The following SVOPL variants were observed in gnomAD, a reference collection of about 807,000 sequenced individuals.
The protein encoded by SVOPL is putative transporter SVOPL.
Under a neutral mutation model 61.0 loss-of-function variants are expected in SVOPL, and 60 were observed. That is an observed-to-expected ratio of 0.98 (90% CI 0.80 to 1.22). The LOEUF is 1.22. Ranked by LOEUF, SVOPL falls within the 50% of genes most tolerant of loss-of-function variation. The pLI is 0.00. For synonymous variants in SVOPL, 279 were observed against 250.0 expected, an observed-to-expected ratio of 1.12 and a Z score of -1.09; for missense variants, 662 against 643.9, an observed-to-expected ratio of 1.03 and a Z score of -0.30.
chr7:138,647,434 T>C (rs1374309706), intron 8 of SVOPL, among the ~76,000 whole-genome samples: 2 of 152,088 alleles, frequency 1.3e-5, no homozygotes, highest in African/African-American at 4.8e-5. Flanking sequence ...CTCTATGGTC[T>C]TCCTGAGAGA....
At chr7:138,688,614 T>C (rs1802872721) in intron 1 of SVOPL, among the ~76,000 whole-genome samples, 1 of 152,260 alleles carries the variant, frequency 6.6e-6, no homozygotes. Flanking sequence ...TCTCATACTT[T>C]ATAATTATTT....
At chr7:138,671,237 ACGT>A (rs1488164157) in intron 4 of SVOPL, among the ~76,000 whole-genome samples, 1 of 152,172 alleles carries the variant, frequency 6.6e-6, no homozygotes, top group Non-Finnish European at 1.5e-5. Flanking sequence ...TATTTAAACA[ACGT>A]GATACTGCTT....
chr7:138,606,588 A>G (rs1003619256), intron 14 of SVOPL, among the ~76,000 whole-genome samples: 2 of 152,096 alleles, frequency 1.3e-5, no homozygotes, highest in African/African-American at 2.4e-5. Flanking sequence ...AAACAAAGGC[A>G]TCTCCACATT....
At chr7:138,616,484 G>T (rs961549385) in intron 14 of SVOPL, among the ~76,000 whole-genome samples, 9 of 151,846 alleles carry the variant, frequency 5.9e-5, no homozygotes, top group Non-Finnish European at 1.0e-4. Flanking sequence ...TTACAGGCGC[G>T]CATCAACAAA....
chr7:138,594,413 T>C lies in SVOPL; in HGVS notation c.*197A>G. ...AAGCTTAAATTATATTTTATAAAAG[T>C]ACTTTATATATTGTTCCTCAAGGAA... is the stretch of plus-strand genomic sequence containing the variant. On this transcript the variant is annotated 3_prime_UTR_variant, in exon 16 of 16. Coordinates refer to ENST00000674285, the MANE Select transcript of SVOPL (RefSeq NM_001139456.2). 1 of 380,350 alleles carries C rather than the reference T, an allele frequency of 2.6e-6. No individual in the cohort carries two copies. Among genetic ancestry groups the C allele is most frequent in the East Asian group, 3.9e-5 (1 of 25,930 alleles). The allele number at this position is 380,350 out of a possible 1,614,324, so 23.6% of individuals were successfully genotyped here.
At chr7:138,630,810 G>C (rs1255385794) in intron 9 of SVOPL, among the ~76,000 whole-genome samples, 2 of 152,124 alleles carry the variant, frequency 1.3e-5, no homozygotes, top group South Asian at 4.1e-4. Flanking sequence ...GGACATGGTG[G>C]AGCATGCCTG....
rs1168305730 is a variant in SVOPL at position 138,624,448 on chromosome 7, T to C, written c.1263+1521A>G. 2.0e-5 allele frequency among the ~76,000 whole-genome samples: 3 copies of C among 152,218 alleles called. No individual in the cohort carries two copies. The East Asian group carries it at 5.8e-4, about 29-fold the overall frequency. On this transcript the variant is annotated intron_variant, in intron 13 of 15. Coordinates refer to ENST00000674285, the MANE Select transcript of SVOPL (RefSeq NM_001139456.2). The stretch of plus-strand genomic sequence containing the variant: ...CTTGTTCTCCATTTGATGCCATCTG[T>C]AAATATGCTTGAGTTCAAATCATAT...
intron 7 of SVOPL, among the ~76,000 whole-genome samples, chr7:138,654,961 C>G (rs558350732): frequency 6.7e-6 from 1 of 149,550 alleles, no homozygotes; most frequent in East Asian, 2.0e-4. Flanking sequence ...GAGGCCAAGG[C>G]GGGCAGATTG....
rs561125299 is a variant in SVOPL at position 138,640,267 on chromosome 7, T to C, written c.789+4450A>G. Among the ~76,000 whole-genome samples, 3 of 152,222 alleles carry C rather than the reference T, an allele frequency of 2.0e-5. No individual in the cohort carries two copies. In the South Asian group the frequency reaches 6.2e-4, roughly 32 times the overall value. The stretch of plus-strand genomic sequence containing the variant: ...ATGTTTTGAGATGGAGTTTCGCTCT[T>C]GTTGCCCCAACTGGAGTGCAATGGT... On this transcript the variant is annotated intron_variant, in intron 9 of 15. Coordinates refer to ENST00000674285, the MANE Select transcript of SVOPL (RefSeq NM_001139456.2).
intron 1 of SVOPL, among the ~76,000 whole-genome samples, chr7:138,679,513 T>A (rs577225863): frequency 6.6e-6 from 1 of 152,278 alleles, no homozygotes; most frequent in African/African-American, 2.4e-5. Context: ...CCTCAGGTGA[T>A]CCGCCCACCT....
rs571118810 is a variant in SVOPL, at chr7:138,700,850, G to T, written c.-35+328C>A. On this transcript the variant is annotated intron_variant, in intron 1 of 15. Transcript: ENST00000674285. ...TCCATGACCTACCTTCACAAAACCT[G>T]GTGAGAAACTGATAGATTGGGGATT... Among the ~76,000 whole-genome samples the T allele has an allele frequency of 1.7e-4, 26 of 152,278 alleles. No individual in the cohort carries two copies. The South Asian group carries it at 5.0e-3, about 29-fold the overall frequency.
intron 1 of SVOPL, among the ~76,000 whole-genome samples, chr7:138,700,202 A>G (rs990907104): frequency 2.0e-5 from 3 of 152,198 alleles, no homozygotes; most frequent in African/African-American, 4.8e-5. Context: ...AGCTACATGA[A>G]GAAAGAAGAG....
At chr7:138,611,874 C>G (rs1470350484) in intron 14 of SVOPL, among the ~76,000 whole-genome samples, 8 of 70,268 alleles carry the variant, frequency 1.1e-4, no homozygotes, top group South Asian at 6.3e-4. Context: ...TCTGCCCGGC[C>G]GCCACCCCGT....
chr7:138,629,378 C>A (rs1228948324), intron 10 of SVOPL, among the ~76,000 whole-genome samples: 1 of 151,732 alleles, frequency 6.6e-6, no homozygotes, highest in East Asian at 1.9e-4. Context: ...TTACAGGCAC[C>A]CACCACCATG....
At chr7:138,631,632 G>A (rs1280285556) in intron 9 of SVOPL, among the ~76,000 whole-genome samples, 3 of 152,034 alleles carry the variant, frequency 2.0e-5, no homozygotes, top group Non-Finnish European at 2.9e-5. Context: ...GCAATGGCGT[G>A]ATCTTGGCTC....
chr7:138,646,832 A>C (rs1455059665), intron 8 of SVOPL, among the ~76,000 whole-genome samples: 1 of 152,148 alleles, frequency 6.6e-6, no homozygotes, highest in Non-Finnish European at 1.5e-5. Flanking sequence ...AGAAAGTCTT[A>C]GACTACACCA....
chr7:138,615,471 G>T (rs1681954009), intron 14 of SVOPL, among the ~76,000 whole-genome samples: 1 of 150,446 alleles, frequency 6.6e-6, no homozygotes, highest in South Asian at 2.1e-4. Context: ...GCAGGAGAAT[G>T]GCGTGAATCA....
chr7:138,691,848 T>G (rs1179642365), intron 1 of SVOPL, among the ~76,000 whole-genome samples: 1 of 151,832 alleles, frequency 6.6e-6, no homozygotes, highest in Non-Finnish European at 1.5e-5. Flanking sequence ...GCCCAAGTTT[T>G]TATTTATTTT....
chr7:138,668,269 C>A (rs1042093037), intron 4 of SVOPL, among the ~76,000 whole-genome samples: 1 of 152,194 alleles, frequency 6.6e-6, no homozygotes, highest in Non-Finnish European at 1.5e-5. Context: ...AAACTCTGCT[C>A]CCCAAATGCT....
Sources: gnomAD v4.1 joint callset for allele counts (sites outside exome capture counted in the v4.1 genomes callset) on GRCh38, gnomAD v4.1.1 for gene constraint, MANE v1.5 for transcripts, NCBI Gene and HGNC (gene_info 2026-07-23, HGNC 2026-07-21) for gene names.